The following UNC119B variants were observed in gnomAD, a reference collection of about 807,000 sequenced individuals.
UNC119B encodes unc-119 lipid binding chaperone B.
Under a neutral mutation model 23.4 loss-of-function variants are expected in UNC119B, and 16 were observed. That is an observed-to-expected ratio of 0.68 (90% confidence interval 0.46 to 1.04). UNC119B has a LOEUF of 1.04. UNC119B is among the 50% of genes least tolerant of loss of function. UNC119B has a pLI of 0.00. For synonymous variants in UNC119B, 144 were observed against 145.4 expected (o/e 0.99, Z 0.07); for missense variants, 350 against 361.3 (o/e 0.97, Z 0.25).
In UNC119B at chr12:120,720,619, AG is replaced by A. The variant is rs1299829525; in HGVS notation, c.*590del. The A allele has an allele frequency of 2.0e-5, 3 of 152,988 alleles. No individual in the cohort carries two copies. The highest frequency in any genetic ancestry group is 1.9e-4 in the East Asian group (1 of 5,202). The allele number at this position is 152,988 out of a possible 1,614,324, so 9.5% of individuals were successfully genotyped here. On this transcript the variant is annotated 3_prime_UTR_variant, in exon 5 of 5. Coordinates refer to ENST00000344651, the MANE Select transcript of UNC119B (RefSeq NM_001080533.3). ...GGAATGGGTGATGCTGCCAAGCTGAAGGGTCTGCTTTGTGGAGAGGCTGCTG... is the reference window on the plus strand; with the variant it reads ...GGAATGGGTGATGCTGCCAAGCTGAAGGTCTGCTTTGTGGAGAGGCTGCTG...
In UNC119B at chr12:120,720,069, G is replaced by A. The variant is rs565266042; in HGVS notation, c.*37G>A. On this transcript the variant is annotated 3_prime_UTR_variant, in exon 5 of 5. Coordinates refer to ENST00000344651, the MANE Select transcript of UNC119B (RefSeq NM_001080533.3). ...GTAGATAGGGGAGGTGCTTTGCCGCGGCCACAAGATCCTGGCACACGGAGA... is the reference window on the plus strand; with the variant it reads ...GTAGATAGGGGAGGTGCTTTGCCGCAGCCACAAGATCCTGGCACACGGAGA... The A allele has an allele frequency of 1.6e-5, 24 of 1,471,198 alleles. No individual in the cohort carries two copies. The highest frequency in any genetic ancestry group is 7.0e-5 in the African/African-American group (5 of 71,898). The allele number at this position is 1,471,198 out of a possible 1,614,324, so 91.1% of individuals were successfully genotyped here. A position where few individuals can be genotyped will look rare whatever the true frequency, so the allele number is the denominator to read the frequency against.
intron 1 of UNC119B, chr12:120,710,950 A>G (rs1882651912): frequency 1.4e-5 from 3 of 209,556 alleles, no homozygotes; most frequent in Non-Finnish European, 2.3e-5. Context: ...CGGCCACGCT[A>G]GGATGCCCTT....
At position 120,716,893 on chromosome 12, in the gene UNC119B, A is replaced by T. The variant is rs759435339; in HGVS notation, c.494A>T (p.Lys165Ile). Residue 165 changes from lysine (K) to isoleucine (I), a missense_variant, in exon 4 of 5, where the codon AAA becomes ATA. Transcript: ENST00000344651. The stretch of plus-strand genomic sequence containing the variant: ...AGGGTGGAGTTCACAGTGGGAGACA[A>T]ACCTGTTTCAAACTTCCGGATGATC... ...GATVEFTVGD[K>I]PVSNFRMIER... The T allele has an allele frequency of 4.3e-6, 7 of 1,612,328 alleles. No homozygotes were observed. The highest frequency in any genetic ancestry group is 1.1e-5 in the South Asian group (1 of 90,842).
intron 4 of UNC119B, 140 bp downstream of exon 4, chr12:120,717,182 C>A: frequency 1.2e-6 from 1 of 820,740 alleles, no homozygotes; most frequent in Non-Finnish European, 1.8e-6. Flanking sequence ...TGACCTCAGG[C>A]TTCTCATTTC....
chr12:120,718,139 A>G (rs929075218), intron 4 of UNC119B, among the ~76,000 whole-genome samples: 1 of 152,194 alleles, frequency 6.6e-6, no homozygotes, highest in African/African-American at 2.4e-5. Context: ...AAGTGCTGGA[A>G]TTACAGGCTT....
At chr12:120,715,894 A>G (rs1392671819) in intron 2 of UNC119B, among the ~76,000 whole-genome samples, 1 of 152,212 alleles carries the variant, frequency 6.6e-6, no homozygotes, top group Non-Finnish European at 1.5e-5. Context: ...ACCGGAGACC[A>G]GCATTAACCT....
intron 2 of UNC119B, among the ~76,000 whole-genome samples, chr12:120,715,735 G>A (rs1882768182): frequency 6.6e-6 from 1 of 152,062 alleles, no homozygotes; most frequent in Non-Finnish European, 1.5e-5. Context: ...GTTTCTCCAT[G>A]TTGGTCAGGC....
chr12:120,716,492 C>T (rs1389325677), intron 2 of UNC119B, 136 bp from the exon 3 acceptor site: 27 of 873,978 alleles, frequency 3.1e-5, no homozygotes, highest in East Asian at 2.2e-4. Flanking sequence ...ATAGCAAGTG[C>T]GCAGTAAACA....
At chr12:120,715,065 C>G (rs777265810) in intron 2 of UNC119B, among the ~76,000 whole-genome samples, 5 of 152,114 alleles carry the variant, frequency 3.3e-5, no homozygotes, top group Non-Finnish European at 7.4e-5. Context: ...GTGGCACATG[C>G]CTGTGGTCCC....
At chr12:120,710,766 C>A in intron 1 of UNC119B, 48 bp downstream of exon 1, 3 of 1,289,000 alleles carry the variant, frequency 2.3e-6, no homozygotes, top group Non-Finnish European at 2.9e-6. Flanking sequence ...TGCCCCGGCT[C>A]CCGGAGCCTT....
chr12:120,713,331 T>C lies in UNC119B; in HGVS notation c.302T>C (p.Ile101Thr). The C allele has an allele frequency of 3.1e-6, 5 of 1,614,162 alleles. No homozygotes were observed. Among genetic ancestry groups the C allele is most frequent in the Non-Finnish European group, 4.2e-6 (5 of 1,179,978 alleles). Residue 101 changes from isoleucine to threonine, a missense_variant, in exon 2 of 5, where the codon ATT (isoleucine) becomes ACT (threonine). Ile to Thr is a moderately conservative substitution (Grantham distance 89). Transcript: ENST00000344651. Reference protein sequence around the residue: ...IYSIDFTRFKIRDLETGTVLF... With the variant: ...IYSIDFTRFKTRDLETGTVLF... ...AGTATTGATTTCACCCGCTTCAAAA[T>C]TCGAGATTTGGAGACAGGGACAGTA...
chr12:120,710,917 G>A, intron 1 of UNC119B, 199 bp downstream of exon 1: 1 of 441,186 alleles, frequency 2.3e-6, no homozygotes, highest in Admixed American at 4.8e-5. Flanking sequence ...ACTCTCCTGG[G>A]CTGGACCGCA....
chr12:120,719,946 G>C lies in UNC119B; in HGVS notation c.670G>C (p.Glu224Gln). ...TCGTCTAATGATTGAAAATCCTTACGAGACCCGCTCTGACAGCTTCTACTT... is the reference window on the plus strand; with the variant it reads ...TCGTCTAATGATTGAAAATCCTTACCAGACCCGCTCTGACAGCTTCTACTT... ...VIRLMIENPY[E>Q]TRSDSFYFVD... The change falls in exon 5 of 5, where the codon GAG (glutamate) becomes CAG (glutamine). Residue 224 changes from glutamate to glutamine, a missense_variant. Transcript: ENST00000344651. The C allele has an allele frequency of 1.2e-6, 2 of 1,614,000 alleles. No individual in the cohort carries two copies. Among genetic ancestry groups the C allele is most frequent in the South Asian group, 1.1e-5 (1 of 91,072 alleles).
At chr12:120,712,955 C>T (rs538932488) in intron 1 of UNC119B, among the ~76,000 whole-genome samples, 1 of 152,338 alleles carries the variant, frequency 6.6e-6, no homozygotes, top group East Asian at 1.9e-4. Flanking sequence ...ATAAAAAGTT[C>T]GCCCTGTTCT....
At position 120,716,696 on chromosome 12, in the gene UNC119B, CAGTT is replaced by C. The variant is rs1882786774; in HGVS notation, c.428_431del (p.Gln143ProfsTer29). On this transcript the variant is annotated frameshift_variant, in exon 3 of 5. Coordinates refer to ENST00000344651, the MANE Select transcript of UNC119B (RefSeq NM_001080533.3). LOFTEE classifies it high-confidence loss of function. ...CAGCGCAGGACGTTTTGTCCGCTATCAGTTCACACCGGCATTTCTCCGCCTCCGG... is the reference window on the plus strand; with the variant it reads ...CAGCGCAGGACGTTTTGTCCGCTATCCACACCGGCATTTCTCCGCCTCCGG... 6.2e-7 allele frequency: 1 copy of C among 1,614,080 alleles called. No individual in the cohort carries two copies. Among genetic ancestry groups the C allele is most frequent in the Non-Finnish European group, 8.5e-7 (1 of 1,180,050 alleles).
In UNC119B at chr12:120,723,569, A is replaced by G. The variant is rs990124844; in HGVS notation, c.*3537A>G. On this transcript the variant is annotated 3_prime_UTR_variant, in exon 5 of 5. Transcript: ENST00000344651. ...TTTATTGTCTTTGTGTCCAAAGTAA[A>G]CTAGGTGACTTATTTGTATAAAATG... The G allele has an allele frequency of 6.6e-6, 1 of 152,196 alleles. No homozygotes were observed. Among genetic ancestry groups the G allele is most frequent in the East Asian group, 1.9e-4 (1 of 5,198 alleles). 9.4% of individuals were successfully genotyped at this position (152,196 alleles called of 1,614,324 possible).
At chr12:120,713,154 G>A (rs1882702929) in intron 1 of UNC119B, 120 bp from the exon 2 acceptor site, 1 of 712,774 alleles carries the variant, frequency 1.4e-6, no homozygotes, top group Admixed American at 2.9e-5. Context: ...AAAGTTTTTG[G>A]GAGTATTTTA....
intron 2 of UNC119B, 33 bp from the exon 3 acceptor site, chr12:120,716,595 A>G (rs747588094): frequency 2.5e-6 from 4 of 1,609,556 alleles, no homozygotes; most frequent in South Asian, 2.2e-5. Context: ...GAATGTCGAG[A>G]TGGTGCACTG....
At position 120,716,981 on chromosome 12, in the gene UNC119B, C is replaced by T. The variant is rs117990192; in HGVS notation, c.582C>T (p.Ile194=). ...TTGACTTTGATTTTGGCTTCTGCAT[C>T]CCCAGCAGTAGGAACACTTGTGAAC... ...KNFDFDFGFC[I]PSSRNTCEHI... Residue 194 remains isoleucine, a synonymous_variant, in exon 4 of 5, where the codon ATC becomes ATT. Coordinates refer to ENST00000344651, the MANE Select transcript of UNC119B (RefSeq NM_001080533.3). The T allele has an allele frequency of 5.7e-3, 9,210 of 1,613,530 alleles. 42 individuals carry two copies. Among genetic ancestry groups the T allele is most frequent in the Middle Eastern group, 0.024 (145 of 6,060 alleles).
Sources: allele counts gnomAD v4.1 joint callset (sites outside exome capture counted in the v4.1 genomes callset), GRCh38; gene constraint gnomAD v4.1.1; transcripts MANE v1.5; gene names NCBI Gene and HGNC (gene_info 2026-07-23, HGNC 2026-07-21).